Variants in DOCK10 observed in about 807,000 individuals in gnomAD.
DOCK10 encodes the protein dedicator of cytokinesis protein 10.
Under a neutral mutation model 280.1 loss-of-function variants are expected in DOCK10, and 145 were observed. That is an observed-to-expected ratio of 0.52 (90% confidence interval 0.45 to 0.59). DOCK10 has a LOEUF of 0.59. Ranked by LOEUF, DOCK10 falls within the 20% of genes least tolerant of loss-of-function variation. The pLI, the probability that DOCK10 is intolerant of heterozygous loss-of-function variation, is 0.00. For missense variants in DOCK10, 2,368 were observed against 2,651.7 expected, an observed-to-expected ratio of 0.89 and a Z score of 2.35; for synonymous variants, 915 against 942.2, an observed-to-expected ratio of 0.97 and a Z score of 0.53.
intron 4 of DOCK10, chr2:224,893,420 C>T (rs543605776): frequency 1.2e-5 from 2 of 173,430 alleles, no homozygotes; most frequent in East Asian, 1.8e-4. Flanking sequence ...ATTTTTCTTC[C>T]TTACATCTTC....
At chr2:224,793,492 A>G (rs758128992) in intron 45 of DOCK10, 35 bp from the exon 46 acceptor site, 1 of 1,554,034 alleles carries the variant, frequency 6.4e-7, no homozygotes, top group Non-Finnish European at 8.9e-7. Context: ...GGCTCAGGGG[A>G]TGGAGTTTAA....
At chr2:225,001,761 G>C (rs1244268725) in intron 1 of DOCK10, among the ~76,000 whole-genome samples, 1 of 152,208 alleles carries the variant, frequency 6.6e-6, no homozygotes, top group Non-Finnish European at 1.5e-5. Flanking sequence ...GCGTCGGCAG[G>C]TGTGGTGTCT....
At chr2:224,855,088 C>CACAT (rs1217559074) in intron 15 of DOCK10, 46 bp from the exon 16 acceptor site, 1 of 1,180,620 alleles carries the variant, frequency 8.5e-7, no homozygotes, top group Non-Finnish European at 1.2e-6. Context: ...CACACACACA[C>CACAT]ACACACACAC....
At chr2:224,971,270 C>T (rs935871485) in intron 1 of DOCK10, among the ~76,000 whole-genome samples, 31 of 150,908 alleles carry the variant, frequency 2.1e-4, no homozygotes, top group South Asian at 6.3e-4. Context: ...AACAGAGACA[C>T]GGAGGGCAGG....
At chr2:225,027,026 T>C (rs1201203606) in intron 1 of DOCK10, among the ~76,000 whole-genome samples, 1 of 152,190 alleles carries the variant, frequency 6.6e-6, no homozygotes, top group Non-Finnish European at 1.5e-5. Flanking sequence ...TATAGTCAGC[T>C]TGTCAGGCCC....
At chr2:224,804,045 A>G in intron 39 of DOCK10, 67 bp downstream of exon 39, 1 of 830,214 alleles carries the variant, frequency 1.2e-6, no homozygotes, top group East Asian at 2.6e-5. Context: ...TACCCCTGAC[A>G]TGTGCATATA....
intron 1 of DOCK10, among the ~76,000 whole-genome samples, chr2:225,007,448 C>CAA (rs1689307035): frequency 6.6e-6 from 1 of 152,110 alleles, no homozygotes; most frequent in East Asian, 1.9e-4. Context: ...ATAATATTCC[C>CAA]ACATGCAAGT....
Position 224,797,840 on chromosome 2 carries a change from C to A in DOCK10, c.4636G>T (p.Val1546Leu). The change falls in exon 42 of 56, where the codon GTA (valine) becomes TTA (leucine). Residue 1546 changes from valine (V) to leucine (L), a missense_variant. Coordinates refer to ENST00000258390, the MANE Select transcript of DOCK10 (RefSeq NM_014689.3). ...AACCTGGAGATCCTTACCTTGCATA[C>A]AAACAGTCTCAAGGAGGCAAACACA... ...KHVFASLRLF[V>L]CKFPSAFFQG... is the part of the protein sequence containing the mutation. The A allele has an allele frequency of 6.2e-7, 1 of 1,613,232 alleles. No homozygotes were observed. The highest frequency in any genetic ancestry group is 8.5e-7 in the Non-Finnish European group (1 of 1,179,518).
chr2:224,786,612 G>T lies in DOCK10; in HGVS notation c.5655+410C>A, dbSNP rs1423374205. ...TGTGTGATAGTAAAATCAAAGGTTTGATATGGTGGAGCCCCTAGGAATTCT... is the reference window on the plus strand; with the variant it reads ...TGTGTGATAGTAAAATCAAAGGTTTTATATGGTGGAGCCCCTAGGAATTCT... On this transcript the variant is annotated intron_variant, in intron 50 of 55. Coordinates refer to ENST00000258390, the MANE Select transcript of DOCK10 (RefSeq NM_014689.3). The surrounding 1 kb of genome is among the most constrained non-coding windows in gnomAD (Gnocchi z 4.7). 4.6e-5 allele frequency among the ~76,000 whole-genome samples: 7 copies of T among 152,194 alleles called. No homozygotes were observed. Among genetic ancestry groups the T allele is most frequent in the Non-Finnish European group, 8.8e-5 (6 of 68,040 alleles).
At chr2:224,777,888 A>G (rs1690986809) in intron 51 of DOCK10, among the ~76,000 whole-genome samples, 1 of 152,202 alleles carries the variant, frequency 6.6e-6, no homozygotes, top group African/African-American at 2.4e-5. Flanking sequence ...TTGCTATTCA[A>G]ATGCAAATAA....
rs1380444017 is a variant in DOCK10 at position 224,852,396 on chromosome 2, T to C, written c.2123A>G (p.Glu708Gly). 1.9e-6 allele frequency: 3 copies of C among 1,573,094 alleles called. No homozygotes were observed. Among genetic ancestry groups the C allele is most frequent in the Non-Finnish European group, 2.6e-6 (3 of 1,158,122 alleles). ...GCTCACCTTCAGGGGCTTGGCACTT[T>C]CTTCATCTGAATTTTTGAATTCAAT... Reference protein sequence around the residue: ...VCIEFKNSDEESAKPLKCIYG... With the variant: ...VCIEFKNSDEGSAKPLKCIYG... The change falls in exon 18 of 56, where the codon GAA becomes GGA. Residue 708 changes from glutamate (E) to glycine (G), a missense_variant. Around this residue, in one of 2 missense-constraint regions of DOCK10, gnomAD observed 1,209 missense variants for 1,250.9 expected, o/e 0.97. Coordinates refer to ENST00000258390, the MANE Select transcript of DOCK10 (RefSeq NM_014689.3).
intron 1 of DOCK10, among the ~76,000 whole-genome samples, chr2:225,018,937 G>A (rs1220940212): frequency 6.7e-6 from 1 of 149,080 alleles, no homozygotes; most frequent in Non-Finnish European, 1.5e-5. Context: ...AGTTATATAT[G>A]TGTATATATG....
intron 1 of DOCK10, among the ~76,000 whole-genome samples, chr2:224,935,572 G>A (rs1003441902): frequency 7.2e-5 from 11 of 152,178 alleles, no homozygotes; most frequent in East Asian, 1.9e-4. Context: ...AACTTCAGCC[G>A]TGGTAATTAA....
chr2:224,924,901 A>G lies in DOCK10; in HGVS notation c.243+6648T>C, dbSNP rs116307007. 1.6e-3 allele frequency among the ~76,000 whole-genome samples: 241 copies of G among 152,308 alleles called. 1 individual carries two copies. The highest frequency in any genetic ancestry group is 5.4e-3 in the African/African-American group (226 of 41,566). On this transcript the variant is annotated intron_variant, in intron 2 of 55. Transcript: ENST00000258390. ...GCATGCTGTTTAGACAGAAACTAAT[A>G]GTAAAAGTCAAGGTGCTTATGTTAG... is the stretch of plus-strand genomic sequence containing the variant.
intron 9 of DOCK10, 121 bp from the exon 10 acceptor site, chr2:224,874,470 C>T: frequency 4.4e-6 from 4 of 913,216 alleles, no homozygotes; most frequent in East Asian, 2.6e-5. Flanking sequence ...CCCATTAACA[C>T]TTGGCAAATC....
intron 27 of DOCK10, among the ~76,000 whole-genome samples, chr2:224,828,537 C>A (rs530782478): frequency 6.6e-6 from 1 of 152,116 alleles, no homozygotes; most frequent in Admixed American, 6.5e-5. Context: ...CCAGGCAGGC[C>A]CAGAAGACAG....
intron 45 of DOCK10, 115 bp downstream of exon 45, chr2:224,794,764 C>G: frequency 1.0e-6 from 1 of 957,980 alleles, no homozygotes; most frequent in Non-Finnish European, 1.6e-6. Flanking sequence ...TGAGTCATTT[C>G]TAGATTAGTT....
At chr2:224,904,894 A>C (rs1700502076) in intron 3 of DOCK10, among the ~76,000 whole-genome samples, 1 of 152,224 alleles carries the variant, frequency 6.6e-6, no homozygotes, top group Non-Finnish European at 1.5e-5. Context: ...TCTTGAGACA[A>C]GATAAATTTC....
At chr2:224,960,889 G>A (rs1004101936) in intron 1 of DOCK10, among the ~76,000 whole-genome samples, 3 of 151,800 alleles carry the variant, frequency 2.0e-5, no homozygotes, top group Non-Finnish European at 4.4e-5. Context: ...ACAGGCGCGC[G>A]CCACCGCGCC....
Sources: allele counts gnomAD v4.1 joint callset (sites outside exome capture counted in the v4.1 genomes callset), GRCh38; gene constraint gnomAD v4.1.1; regional missense constraint gnomAD v4.1.1; non-coding constraint Gnocchi (gnomAD v3.1); transcripts MANE v1.5; gene names NCBI Gene and HGNC (gene_info 2026-07-23, HGNC 2026-07-21).